C4BPB: variants seen among roughly 807,000 people sequenced by gnomAD.
C4BPB encodes the protein C4b-binding protein beta chain.
C4BPB carries 19 observed loss-of-function variants against 26.6 expected under a neutral mutation model. The observed-to-expected ratio is 0.71, with a 90% CI of 0.50 to 1.05. The LOEUF is 1.05. Ranked by LOEUF, C4BPB falls within the 50% of genes least tolerant of loss-of-function variation. The pLI, the probability that C4BPB is intolerant of heterozygous loss-of-function variation, is 0.00. For missense variants in C4BPB, 282 were observed against 302.9 expected (o/e 0.93, Z 0.51); for synonymous variants, 118 against 103.5 (o/e 1.14, Z -0.85).
chr1:207,089,949 A>G (rs987699949), intron 2 of C4BPB, among the ~76,000 whole-genome samples: 1 of 152,146 alleles, frequency 6.6e-6, no homozygotes, highest in African/African-American at 2.4e-5. Flanking sequence ...AATTTGAGTA[A>G]AATTCCTGTT....
chr1:207,093,500 G>C (rs1684124447), intron 4 of C4BPB, among the ~76,000 whole-genome samples: 1 of 152,108 alleles, frequency 6.6e-6, no homozygotes, highest in African/African-American at 2.4e-5. Context: ...CATATAAGTA[G>C]AACAGATTAA....
chr1:207,090,081 C>T (rs1029065929), intron 2 of C4BPB, among the ~76,000 whole-genome samples: 3 of 152,182 alleles, frequency 2.0e-5, no homozygotes, highest in African/African-American at 4.8e-5. Context: ...ACCATCCTGG[C>T]TAAGACAGTG....
intron 3 of C4BPB, 78 bp downstream of exon 3, chr1:207,090,559 TGG>T (rs753346819): frequency 5.2e-6 from 7 of 1,341,700 alleles, no homozygotes; most frequent in Non-Finnish European, 7.1e-6. Flanking sequence ...CTATAGGCTG[TGG>T]TAAAACTTTA....
chr1:207,096,104 G>A (rs56218657), intron 4 of C4BPB: 7,333 of 227,416 alleles, frequency 0.032, 169 homozygotes, highest in South Asian at 0.075. Context: ...TTATCCACAG[G>A]GGATGTCAGC....
chr1:207,097,136 G>T (rs1421584745), intron 5 of C4BPB, among the ~76,000 whole-genome samples: 2 of 152,142 alleles, frequency 1.3e-5, no homozygotes, highest in Admixed American at 1.3e-4. Flanking sequence ...TGGCACCACT[G>T]CACTTTAACC....
intron 6 of C4BPB, among the ~76,000 whole-genome samples, chr1:207,098,856 T>C (rs11801018): frequency 0.056 from 8,528 of 151,642 alleles, 676 homozygotes; most frequent in African/African-American, 0.18. Context: ...TCATCAGGCA[T>C]TAGATTCTCA....
chr1:207,093,918 A>T (rs901242150), intron 4 of C4BPB, among the ~76,000 whole-genome samples: 2 of 152,236 alleles, frequency 1.3e-5, no homozygotes, highest in Non-Finnish European at 2.9e-5. Flanking sequence ...ATAGAAAATA[A>T]GCAGTTGGGT....
At chr1:207,090,700 C>T (rs1683992588) in intron 3 of C4BPB, among the ~76,000 whole-genome samples, 1 of 152,136 alleles carries the variant, frequency 6.6e-6, no homozygotes, top group South Asian at 2.1e-4. Flanking sequence ...GAATCAATTC[C>T]CTCTATGGGA....
At chr1:207,097,982 T>G in intron 5 of C4BPB, 168 bp from the exon 6 acceptor site, 1 of 579,118 alleles carries the variant, frequency 1.7e-6, no homozygotes, top group Non-Finnish European at 3.1e-6. Flanking sequence ...TGGTTTTACT[T>G]TGAACTGCTT....
intron 6 of C4BPB, among the ~76,000 whole-genome samples, chr1:207,098,817 A>C (rs1684356588): frequency 6.6e-6 from 1 of 152,158 alleles, no homozygotes; most frequent in Non-Finnish European, 1.5e-5. Context: ...TTAGATTCTC[A>C]TCTGGGAGTG....
intron 4 of C4BPB, among the ~76,000 whole-genome samples, chr1:207,092,154 C>T (rs144284850): frequency 6.6e-6 from 1 of 152,212 alleles, no homozygotes; most frequent in Admixed American, 6.5e-5. Flanking sequence ...AAACACAAAA[C>T]GGGAAAAAGA....
intron 4 of C4BPB, chr1:207,094,931 A>G: frequency 5.3e-6 from 1 of 190,278 alleles, no homozygotes. Context: ...TTGGCATATA[A>G]CTTTCCATAC....
chr1:207,090,372 A>T lies in C4BPB; in HGVS notation c.123A>T (p.Gly41=). 1.9e-6 allele frequency: 3 copies of T among 1,613,970 alleles called. No individual in the cohort carries two copies. The highest frequency in any genetic ancestry group is 2.5e-6 in the Non-Finnish European group (3 of 1,179,920). The change falls in exon 3 of 7, where the codon GGA becomes GGT. Residue 41 remains glycine, a synonymous_variant. Transcript: ENST00000367078. Reference sequence around the variant, plus strand: ...TATTTGTCGCAAAGGAGGTGGAAGGACAGATTCTGGGGACTTACGTTTGTA... The same window carrying T: ...TATTTGTCGCAAAGGAGGTGGAAGGTCAGATTCTGGGGACTTACGTTTGTA... ...NSIFVAKEVE[G]QILGTYVCIK...
At chr1:207,089,615 C>T in intron 2 of C4BPB, 26 bp downstream of exon 2, 1 of 1,608,082 alleles carries the variant, frequency 6.2e-7, no homozygotes, top group Non-Finnish European at 8.5e-7. Context: ...TTCAACTCAG[C>T]TTACAGGCAT....
intron 4 of C4BPB, 49 bp from the exon 5 acceptor site, chr1:207,096,473 G>T: frequency 9.0e-7 from 1 of 1,111,022 alleles, no homozygotes; most frequent in South Asian, 1.2e-5. Flanking sequence ...GCTGTTCATT[G>T]AGCGTGCCTG....
Position 207,090,443 on chromosome 1 carries a change from C to T in C4BPB, c.194C>T (p.Ala65Val). Reference sequence around the variant, plus strand: ...GGAAAGAAGACCCTTTTTTGCAATGCCTCTAAGGAGTGGGATAACACCACT... The same window carrying T: ...GGAAAGAAGACCCTTTTTTGCAATGTCTCTAAGGAGTGGGATAACACCACT... ...LVGKKTLFCN[A>V]SKEWDNTTTE... is the part of the protein sequence containing the mutation. The change falls in exon 3 of 7, where the codon GCC becomes GTC. Residue 65 changes from alanine to valine, a missense_variant. Ala to Val is a moderately conservative substitution (Grantham distance 64). Transcript: ENST00000367078. 6.2e-7 allele frequency: 1 copy of T among 1,613,664 alleles called. No homozygotes were observed. Among genetic ancestry groups the T allele is most frequent in the East Asian group, 2.2e-5 (1 of 44,860 alleles).
intron 2 of C4BPB, 42 bp from the exon 3 acceptor site, chr1:207,090,266 C>T (rs1683972719): frequency 2.7e-6 from 4 of 1,507,264 alleles, no homozygotes; most frequent in Non-Finnish European, 3.6e-6. Flanking sequence ...TCTCTGACAG[C>T]ACATGATATG....
chr1:207,098,674 C>T (rs1049493044), intron 6 of C4BPB, among the ~76,000 whole-genome samples: 2 of 152,240 alleles, frequency 1.3e-5, no homozygotes, highest in South Asian at 2.1e-4. Context: ...ATTATTATTA[C>T]ATTGTAATAT....
intron 4 of C4BPB, chr1:207,095,106 T>C (rs1684188457): frequency 3.1e-6 from 1 of 327,312 alleles, no homozygotes; most frequent in African/African-American, 2.2e-5. Flanking sequence ...TTGATCGACA[T>C]GTTTAGTGTC....
Sources: allele counts gnomAD v4.1 joint callset (sites outside exome capture counted in the v4.1 genomes callset), GRCh38; gene constraint gnomAD v4.1.1; transcripts MANE v1.5; gene names NCBI Gene and HGNC (gene_info 2026-07-23, HGNC 2026-07-21).